HPSE2: variants seen among roughly 807,000 people sequenced by gnomAD.
HPSE2 encodes the protein inactive heparanase-2.
Under a neutral mutation model 60.5 loss-of-function variants are expected in HPSE2, and 38 were observed. The observed-to-expected ratio is 0.63, with a 90% CI of 0.48 to 0.82. The LOEUF is 0.82. Among genes scored for constraint, HPSE2 ranks in the 40% least tolerant of loss-of-function variants. HPSE2 has a pLI of 0.00. For missense variants in HPSE2, 713 were observed against 740.4 expected (o/e 0.96, Z 0.43); for synonymous variants, 295 against 293.2 (o/e 1.01, Z -0.06).
chr10:98,559,996 G>A (rs1166577713), intron 9 of HPSE2, among the ~76,000 whole-genome samples: 1 of 150,904 alleles, frequency 6.6e-6, no homozygotes, highest in Non-Finnish European at 1.5e-5. Context: ...TGGGAAGTTA[G>A]GGTGGAAAAT....
At chr10:98,749,938 A>ATG in intron 3 of HPSE2, among the ~76,000 whole-genome samples, 1 of 69,220 alleles carries the variant, frequency 1.4e-5, no homozygotes, top group Non-Finnish European at 3.5e-5. Flanking sequence ...CACTATATAT[A>ATG]TATATATATA....
chr10:98,578,664 G>T (rs1243943447), intron 9 of HPSE2, among the ~76,000 whole-genome samples: 2 of 152,150 alleles, frequency 1.3e-5, no homozygotes, highest in Non-Finnish European at 2.9e-5. Context: ...TTCTTTAACA[G>T]ATTCCTTGGC....
At chr10:99,276,418 T>C in the HPSE2 span, among the ~76,000 whole-genome samples, 12 of 152,292 alleles carry the variant, frequency 7.9e-5, no homozygotes, top group African/African-American at 2.9e-4. Flanking sequence ...CATCACTTTT[T>C]AAAGAATTTT....
intron 9 of HPSE2, among the ~76,000 whole-genome samples, chr10:98,510,736 C>T (rs536499762): frequency 8.5e-5 from 13 of 152,312 alleles, no homozygotes; most frequent in South Asian, 6.2e-4. Flanking sequence ...ATTCCTAGTG[C>T]GTAAGGTTTC....
chr10:98,478,486 T>C (rs1329951082), intron 11 of HPSE2, among the ~76,000 whole-genome samples: 1 of 152,146 alleles, frequency 6.6e-6, no homozygotes, highest in East Asian at 1.9e-4. Context: ...GAGGAAGGAA[T>C]CCTAGAGCAC....
intron 3 of HPSE2, among the ~76,000 whole-genome samples, chr10:98,763,821 G>C (rs1256572153): frequency 2.0e-5 from 3 of 151,130 alleles, no homozygotes; most frequent in Non-Finnish European, 4.4e-5. Flanking sequence ...GAAGAAACTT[G>C]CTCTAAAAGA....
At chr10:98,810,206 T>C (rs1005919664) in intron 3 of HPSE2, among the ~76,000 whole-genome samples, 2 of 152,108 alleles carry the variant, frequency 1.3e-5, no homozygotes, top group African/African-American at 2.4e-5. Context: ...ACACTTGTCA[T>C]ACTCTACCGA....
chr10:98,666,202 T>C (rs962577932), intron 6 of HPSE2, among the ~76,000 whole-genome samples: 7 of 152,180 alleles, frequency 4.6e-5, no homozygotes. Context: ...TGCATAATGA[T>C]AAAGGATTCA....
chr10:98,672,852 G>GA (rs531391600), intron 6 of HPSE2, among the ~76,000 whole-genome samples: 27 of 150,328 alleles, frequency 1.8e-4, no homozygotes, highest in Admixed American at 1.3e-3. Context: ...AATTTTTCCA[G>GA]AAAAAAAAAG....
chr10:98,720,140 GA>G (rs1346391009), intron 5 of HPSE2, among the ~76,000 whole-genome samples: 1 of 152,030 alleles, frequency 6.6e-6, no homozygotes, highest in Non-Finnish European at 1.5e-5. Context: ...AAATAAAAAT[GA>G]AAAGAAAATG....
At chr10:99,099,703 G>C (rs1203169420) in intron 3 of HPSE2, among the ~76,000 whole-genome samples, 3 of 152,204 alleles carry the variant, frequency 2.0e-5, no homozygotes. Context: ...CCTCAAGTGG[G>C]TCCCTGATCC....
At chr10:98,848,732 G>T (rs1171914448) in intron 3 of HPSE2, among the ~76,000 whole-genome samples, 2 of 152,154 alleles carry the variant, frequency 1.3e-5, no homozygotes, top group African/African-American at 2.4e-5. Context: ...TCATTTAGCT[G>T]CAATGCATTC....
intron 9 of HPSE2, among the ~76,000 whole-genome samples, chr10:98,538,983 G>C (rs896382221): frequency 1.3e-5 from 2 of 152,152 alleles, no homozygotes; most frequent in Non-Finnish European, 2.9e-5. Flanking sequence ...TCCATAGGTA[G>C]CCAGCAACGT....
chr10:98,648,558 T>A (rs1000573414), intron 6 of HPSE2, among the ~76,000 whole-genome samples: 1 of 151,828 alleles, frequency 6.6e-6, no homozygotes, highest in African/African-American at 2.4e-5. Flanking sequence ...AGTGGAAGGA[T>A]CTCCTGAGGC....
intron 3 of HPSE2, among the ~76,000 whole-genome samples, chr10:98,748,151 T>G (rs1490563489): frequency 6.6e-6 from 1 of 151,956 alleles, no homozygotes; most frequent in Non-Finnish European, 1.5e-5. Context: ...TACAAAAAAA[T>G]TAGCTGGGTG....
chr10:98,724,599 C>A lies in HPSE2; in HGVS notation c.785-2771G>T, dbSNP rs546549336. ...TCTCCCATTATTATTGTGTGGGAGTCTAAGTCTCTTTGTAGGTCACTAAGG... is the reference window on the plus strand; with the variant it reads ...TCTCCCATTATTATTGTGTGGGAGTATAAGTCTCTTTGTAGGTCACTAAGG... On this transcript the variant is annotated intron_variant, in intron 4 of 11. Coordinates refer to ENST00000370552, the MANE Select transcript of HPSE2 (RefSeq NM_021828.5). Among the ~76,000 whole-genome samples the A allele has an allele frequency of 3.8e-3, 571 of 152,256 alleles. 8 individuals are homozygous for A. The highest frequency in any genetic ancestry group is 0.013 in the African/African-American group (550 of 41,550).
chr10:99,305,961 A>ACGCGCG, the HPSE2 span, among the ~76,000 whole-genome samples: 2 of 103,068 alleles, frequency 1.9e-5, no homozygotes, highest in East Asian at 6.1e-4. Flanking sequence ...ACTCACACAC[A>ACGCGCG]CGCGCGCGCG....
At chr10:98,920,323 C>T (rs1382437206) in intron 3 of HPSE2, among the ~76,000 whole-genome samples, 3 of 152,136 alleles carry the variant, frequency 2.0e-5, no homozygotes. Flanking sequence ...AGATATCAGA[C>T]CTGCATCACT....
At chr10:98,541,139 T>C (rs1207041279) in intron 9 of HPSE2, among the ~76,000 whole-genome samples, 2 of 152,222 alleles carry the variant, frequency 1.3e-5, no homozygotes, top group Non-Finnish European at 2.9e-5. Flanking sequence ...TCTTTTCAAT[T>C]ATAATTAAAA....
Sources: gnomAD v4.1 joint callset for allele counts (sites outside exome capture counted in the v4.1 genomes callset) on GRCh38, gnomAD v4.1.1 for gene constraint, MANE v1.5 for transcripts, NCBI Gene and HGNC (gene_info 2026-07-23, HGNC 2026-07-21) for gene names.